The following SHKBP1 variants were observed in gnomAD, a reference collection of about 807,000 sequenced individuals.
SHKBP1 encodes the protein SH3KBP1 binding protein 1.
SHKBP1 carries 71 observed loss-of-function variants against 83.9 expected under a neutral mutation model. The ratio of observed to expected loss-of-function variants is 0.85; its 90% CI spans 0.70 to 1.03. The LOEUF is 1.03. Among genes scored for constraint, SHKBP1 ranks in the 50% least tolerant of loss-of-function variants. The pLI, the probability that SHKBP1 is intolerant of heterozygous loss-of-function variation, is 0.00. For missense variants in SHKBP1, 824 were observed against 982.4 expected (o/e 0.84, Z 2.16); for synonymous variants, 371 against 398.0 (o/e 0.93, Z 0.81).
Position 40,590,790 on chromosome 19 carries a change from C to T in SHKBP1, c.1829C>T (p.Pro610Leu), listed in dbSNP as rs141834970. The change falls in exon 17 of 18, where the codon CCG (proline) becomes CTG (leucine). Residue 610 changes from proline to leucine, a missense_variant. Physicochemically the swap from Pro to Leu is moderately conservative, Grantham distance 98. Around this residue, in one of 3 missense-constraint regions of SHKBP1, gnomAD observed 287 missense variants for 322.9 expected, o/e 0.89. Coordinates refer to ENST00000291842, the MANE Select transcript of SHKBP1 (RefSeq NM_138392.4). The surrounding 1 kb of genome is among the most constrained non-coding windows in gnomAD (Gnocchi z 4.6). The part of the protein sequence containing the change: ...EQLEHCELAP[P>L]APSAPSWGCL... ...CTGGAACACTGTGAGCTGGCCCCGC[C>T]GGCTCCTTCAGCTCCCTCATGGGGC... The T allele has an allele frequency of 2.4e-4, 378 of 1,602,664 alleles. 1 individual carries two copies. The African/African-American group carries it at 4.5e-3, about 19-fold the overall frequency.
chr19:40,584,375 C>G (rs186611491), intron 12 of SHKBP1, among the ~76,000 whole-genome samples: 58 of 152,302 alleles, frequency 3.8e-4, no homozygotes, highest in African/African-American at 1.3e-3. Flanking sequence ...TTACTTGAGA[C>G]AGTTTTTTGT....
At chr19:40,588,909 G>A in intron 14 of SHKBP1, 130 bp downstream of exon 14, 1 of 1,356,008 alleles carries the variant, frequency 7.4e-7, no homozygotes, top group Non-Finnish European at 1.0e-6. Flanking sequence ...GATCCTTGAG[G>A]CACCTGAGCT....
In SHKBP1 at chr19:40,590,228, C is replaced by T. The variant is rs2081346280; in HGVS notation, c.1590-16C>T. The T allele has an allele frequency of 1.3e-6, 2 of 1,549,936 alleles. No homozygotes were observed. The highest frequency in any genetic ancestry group is 1.7e-6 in the Non-Finnish European group (2 of 1,147,636). On this transcript the variant is annotated splice_polypyrimidine_tract_variant and intron_variant, in intron 15 of 17. Transcript: ENST00000291842. This position sits in a 1 kb window ranked among gnomAD's most constrained non-coding sequence, Gnocchi z 4.6. ...GAGAAAGCGAGGGTGACCACCTCCCCCACTGCACCCCCCAGGGTGTGCTCC... is the reference window on the plus strand; with the variant it reads ...GAGAAAGCGAGGGTGACCACCTCCCTCACTGCACCCCCCAGGGTGTGCTCC...
At chr19:40,586,065 C>G (rs1250495421) in intron 12 of SHKBP1, among the ~76,000 whole-genome samples, 1 of 152,106 alleles carries the variant, frequency 6.6e-6, no homozygotes, top group Non-Finnish European at 1.5e-5. Flanking sequence ...CCATCACACC[C>G]AACTAGTTTT....
Position 40,577,122 on chromosome 19 carries a change from A to G in SHKBP1, c.87-109A>G, listed in dbSNP as rs555759450. The G allele has an allele frequency of 1.6e-5, 23 of 1,458,630 alleles. No homozygotes were observed. The South Asian group carries it at 2.6e-4, about 16-fold the overall frequency. 90.4% of individuals were successfully genotyped at this position (1,458,630 alleles called of 1,614,324 possible). ...CCTTTGGAGGCGCGAGATTCTGGAA[A>G]AACGCCGGGGGAGGGGGAAGGGGAG... is the stretch of plus-strand genomic sequence containing the variant. On this transcript the variant is annotated intron_variant, in intron 1 of 17. Transcript: ENST00000291842.
chr19:40,578,055 C>T (rs776176307), intron 4 of SHKBP1, 99 bp from the exon 5 acceptor site: 1 of 966,036 alleles, frequency 1.0e-6, no homozygotes, highest in Admixed American at 1.8e-5. Flanking sequence ...AACTTTCTAC[C>T]CCTTGACATT....
chr19:40,584,537 G>C (rs1388929792), intron 12 of SHKBP1, among the ~76,000 whole-genome samples: 1 of 152,210 alleles, frequency 6.6e-6, no homozygotes, highest in Non-Finnish European at 1.5e-5. Context: ...TCCAGAGTAT[G>C]TTCATCACCC....
At chr19:40,589,035 C>G in intron 14 of SHKBP1, 47 bp from the exon 15 acceptor site, 1 of 1,573,632 alleles carries the variant, frequency 6.4e-7, no homozygotes. Flanking sequence ...AAGTCTGAGG[C>G]TGAGGGAATC....
Position 40,591,097 on chromosome 19 carries a change from C to T in SHKBP1, c.2014C>T (p.Arg672Trp), listed in dbSNP as rs750766482. 7.4e-6 allele frequency: 12 copies of T among 1,612,046 alleles called. No individual in the cohort carries two copies. The highest frequency in any genetic ancestry group is 3.3e-5 in the Admixed American group (2 of 59,932). ...SFVERCQELV[R>W]SGPDLRRPPT... ...TGTGGAACGCTGCCAGGAACTGGTGCGGAGTGGGCCAGACCTCCGACGGCC... is the reference window on the plus strand; with the variant it reads ...TGTGGAACGCTGCCAGGAACTGGTGTGGAGTGGGCCAGACCTCCGACGGCC... Residue 672 changes from arginine to tryptophan, a missense_variant, in exon 18 of 18, where the codon CGG (arginine) becomes TGG (tryptophan). Coordinates refer to ENST00000291842, the MANE Select transcript of SHKBP1 (RefSeq NM_138392.4).
In SHKBP1 at chr19:40,590,344, C is replaced by T. The variant is rs1330776258; in HGVS notation, c.1690C>T (p.Leu564=). ...RRLGSRPRRY[L]LTGQANGSLA... is the part of the protein sequence containing the mutation. ...GCTCGGCTCTCGGCCCCGGCGCTAC[C>T]TGCTCACTGGCCAGGCCAACGGCAG... Residue 564 remains leucine, a synonymous_variant, in exon 16 of 18, where the codon CTG becomes TTG. Coordinates refer to ENST00000291842, the MANE Select transcript of SHKBP1 (RefSeq NM_138392.4). This position sits in a 1 kb window ranked among gnomAD's most constrained non-coding sequence, Gnocchi z 4.6. The T allele has an allele frequency of 6.2e-7, 1 of 1,612,234 alleles. No individual in the cohort carries two copies. The highest frequency in any genetic ancestry group is 1.3e-5 in the African/African-American group (1 of 74,952).
intron 11 of SHKBP1, 42 bp from the exon 12 acceptor site, chr19:40,583,559 G>T: frequency 1.2e-6 from 2 of 1,611,246 alleles, no homozygotes; most frequent in African/African-American, 2.7e-5. Context: ...AGAGGCTGGG[G>T]CACTTGGAAC....
At chr19:40,577,739 C>CAGAACCTTGA in intron 4 of SHKBP1, 109 bp downstream of exon 4, 7 of 1,380,274 alleles carry the variant, frequency 5.1e-6, no homozygotes, top group Non-Finnish European at 6.2e-6. Flanking sequence ...AATTCTCATT[C>CAGAACCTTGA]AGAACCTTGA....
At position 40,583,385 on chromosome 19, in the gene SHKBP1, G is replaced by A; in HGVS notation, c.961-13G>A. The A allele has an allele frequency of 1.3e-6, 2 of 1,562,554 alleles. No homozygotes were observed. Among genetic ancestry groups the A allele is most frequent in the Non-Finnish European group, 1.7e-6 (2 of 1,152,768 alleles). ...AGGGCTCCCGGCTGCAGCCTGTCCT[G>A]CCCCACCCCCAGGTCCAGGAGGTGC... On this transcript the variant is annotated splice_polypyrimidine_tract_variant and intron_variant, in intron 10 of 17. Coordinates refer to ENST00000291842, the MANE Select transcript of SHKBP1 (RefSeq NM_138392.4).
At chr19:40,582,749 T>A (rs1045702004) in intron 10 of SHKBP1, among the ~76,000 whole-genome samples, 20 of 151,042 alleles carry the variant, frequency 1.3e-4, no homozygotes, top group Non-Finnish European at 2.4e-4. Flanking sequence ...TTAGGGGGGA[T>A]GCTGTAGAAG....
chr19:40,582,513 C>T, intron 10 of SHKBP1, 47 bp downstream of exon 10: 1 of 1,531,464 alleles, frequency 6.5e-7, no homozygotes, highest in African/African-American at 1.4e-5. Context: ...GTTTTCCAGA[C>T]TGTACAGACC....
At chr19:40,577,483 T>C (rs773282079) in intron 3 of SHKBP1, 42 bp downstream of exon 3, 7 of 1,613,558 alleles carry the variant, frequency 4.3e-6, no homozygotes, top group Non-Finnish European at 5.9e-6. Context: ...GGGGAGGGGT[T>C]GGTAGGAAGA....
Position 40,578,450 on chromosome 19 carries a change from C to T in SHKBP1, c.320-12C>T. 1 of 1,614,086 alleles carries T rather than the reference C, an allele frequency of 6.2e-7. No individual in the cohort carries two copies. The highest frequency in any genetic ancestry group is 1.3e-5 in the African/African-American group (1 of 75,034). ...CTCCCTAAGTCCCAGCCTTTAAGTC[C>T]TCCTGTTGCAGTTCGTCGCCTGCAG... On this transcript the variant is annotated splice_polypyrimidine_tract_variant and intron_variant, in intron 5 of 17. Coordinates refer to ENST00000291842, the MANE Select transcript of SHKBP1 (RefSeq NM_138392.4).
In SHKBP1 at chr19:40,590,707, G is replaced by T. The variant is rs2081351572; in HGVS notation, c.1769-23G>T. 1 of 1,539,326 alleles carries T rather than the reference G, an allele frequency of 6.5e-7. No homozygotes were observed. Among genetic ancestry groups the T allele is most frequent in the Admixed American group, 1.8e-5 (1 of 54,670 alleles). ...CCCTATGACCCCTGTCTTGCCCCCT[G>T]ACCCTGCTTCCGTGCCCCCCAGCAG... On this transcript the variant is annotated intron_variant, in intron 16 of 17. Coordinates refer to ENST00000291842, the MANE Select transcript of SHKBP1 (RefSeq NM_138392.4). This position sits in a 1 kb window ranked among gnomAD's most constrained non-coding sequence, Gnocchi z 4.6.
At chr19:40,587,393 C>A (rs1369760303) in intron 13 of SHKBP1, among the ~76,000 whole-genome samples, 1 of 152,080 alleles carries the variant, frequency 6.6e-6, no homozygotes, top group East Asian at 1.9e-4. Flanking sequence ...AGTTCGAGAC[C>A]AGCCTGGCCA....
Sources: gnomAD v4.1 joint callset for allele counts (sites outside exome capture counted in the v4.1 genomes callset) on GRCh38, gnomAD v4.1.1 for gene constraint, gnomAD v4.1.1 regional missense constraint, Gnocchi (gnomAD v3.1) non-coding constraint, MANE v1.5 for transcripts, NCBI Gene and HGNC (gene_info 2026-07-23, HGNC 2026-07-21) for gene names.